Variants in TRA2A observed in about 807,000 individuals in gnomAD.
TRA2A encodes the protein transformer-2 protein homolog alpha.
TRA2A carries 31 observed loss-of-function variants against 45.7 expected under a neutral mutation model. The observed-to-expected ratio is 0.68, with a 90% CI of 0.51 to 0.92. TRA2A has a LOEUF of 0.92. Ranked by LOEUF, TRA2A falls within the 40% of genes least tolerant of loss-of-function variation. The pLI is 0.00. For synonymous variants in TRA2A, 132 were observed against 126.2 expected (o/e 1.05, Z -0.31); for missense variants, 304 against 367.5 (o/e 0.83, Z 1.41).
chr7:23,525,006 A>G (rs1060974), intron 1 of TRA2A, among the ~76,000 whole-genome samples: 64,885 of 152,038 alleles, frequency 0.43, 15,180 homozygotes, highest in African/African-American at 0.63. Context: ...TAACTTTCAA[A>G]AACAACTTAC....
chr7:23,508,362 G>C (rs1162382654), intron 4 of TRA2A, among the ~76,000 whole-genome samples: 2 of 150,018 alleles, frequency 1.3e-5, no homozygotes, highest in Admixed American at 1.3e-4. Context: ...CAAACTTCTT[G>C]GCTTATGCAA....
In TRA2A at chr7:23,516,403, T is replaced by C. The variant is rs1274363397; in HGVS notation, c.296A>G (p.His99Arg). Residue 99 changes from histidine (H) to arginine (R), a missense_variant, in exon 3 of 8, where the codon CAT becomes CGT. His to Arg is a conservative substitution (Grantham distance 29). Around this residue, in one of 3 missense-constraint regions of TRA2A, gnomAD observed 130 missense variants for 217.1 expected, o/e 0.60. Transcript: ENST00000297071. ...TCTTCTCCGGTTAGACATTGGAGAA[T>C]GGCTTCGGCTCCTTCGCCGCCGGTA... ...PEYRRRRSRS[H>R]SPMSNRRRHT... 1.9e-5 allele frequency: 30 copies of C among 1,614,108 alleles called. No individual in the cohort carries two copies. The highest frequency in any genetic ancestry group is 3.3e-5 in the South Asian group (3 of 91,090).
chr7:23,524,113 C>A (rs1790244957), intron 1 of TRA2A, among the ~76,000 whole-genome samples: 1 of 152,086 alleles, frequency 6.6e-6, no homozygotes, highest in Non-Finnish European at 1.5e-5. Flanking sequence ...CTTAAAATTC[C>A]AATTTTAAAT....
At chr7:23,506,055 T>C in intron 6 of TRA2A, 83 bp downstream of exon 6, 1 of 1,237,804 alleles carries the variant, frequency 8.1e-7, no homozygotes, top group Non-Finnish European at 1.1e-6. Flanking sequence ...ATCAAGTTTT[T>C]ATTCATATGT....
chr7:23,531,440 C>T, intron 1 of TRA2A: 1 of 355,392 alleles, frequency 2.8e-6, no homozygotes, highest in Non-Finnish European at 5.0e-6. Context: ...GAGGGGAGCT[C>T]CCTGCCGCCT....
chr7:23,523,504 T>G (rs1310057281), intron 1 of TRA2A, among the ~76,000 whole-genome samples: 2 of 152,228 alleles, frequency 1.3e-5, no homozygotes, highest in African/African-American at 4.8e-5. Flanking sequence ...GCCTTAAGAC[T>G]ATCACACAAC....
chr7:23,529,225 T>C (rs1790464742), intron 1 of TRA2A, among the ~76,000 whole-genome samples: 2 of 152,206 alleles, frequency 1.3e-5, no homozygotes, highest in African/African-American at 2.4e-5. Flanking sequence ...AAGTGCTACC[T>C]TCACTCCCAG....
At chr7:23,523,339 T>G (rs952113021) in intron 1 of TRA2A, among the ~76,000 whole-genome samples, 1 of 152,200 alleles carries the variant, frequency 6.6e-6, no homozygotes, top group Admixed American at 6.5e-5. Flanking sequence ...AATAACTTAC[T>G]GATCATAAGC....
At chr7:23,511,214 A>T (rs973592309) in intron 4 of TRA2A, among the ~76,000 whole-genome samples, 3 of 151,826 alleles carry the variant, frequency 2.0e-5, no homozygotes, top group Non-Finnish European at 4.4e-5. Flanking sequence ...TACTAAAAAT[A>T]CAAAAAATTA....
intron 2 of TRA2A, among the ~76,000 whole-genome samples, chr7:23,518,852 ATT>A (rs1476659441): frequency 6.6e-6 from 1 of 151,468 alleles, no homozygotes; most frequent in East Asian, 1.9e-4. Flanking sequence ...CACCTGGCAA[ATT>A]TTTTGTATTT....
intron 1 of TRA2A, chr7:23,531,293 C>G: frequency 2.3e-5 from 23 of 984,726 alleles, no homozygotes; most frequent in Non-Finnish European, 2.8e-5. Flanking sequence ...GCCAAGGAGA[C>G]ACAGGCCCCA....
At chr7:23,531,582 C>T in intron 1 of TRA2A, 1 of 608,842 alleles carries the variant, frequency 1.6e-6, no homozygotes, top group Non-Finnish European at 2.9e-6. Context: ...ATCAGTCAGC[C>T]TCCAAAAAAG....
chr7:23,515,217 A>AT (rs1235805825), intron 3 of TRA2A, among the ~76,000 whole-genome samples: 2 of 147,232 alleles, frequency 1.4e-5, no homozygotes, highest in Non-Finnish European at 3.0e-5. Context: ...TTCGTGGAAC[A>AT]TATTTCTTTT....
At chr7:23,528,541 G>A (rs1790434965) in intron 1 of TRA2A, among the ~76,000 whole-genome samples, 1 of 152,054 alleles carries the variant, frequency 6.6e-6, no homozygotes, top group Admixed American at 6.5e-5. Context: ...ACAGGCCTGG[G>A]TTTTGATAGT....
At chr7:23,527,864 T>C (rs375662484) in intron 1 of TRA2A, among the ~76,000 whole-genome samples, 10 of 152,224 alleles carry the variant, frequency 6.6e-5, no homozygotes, top group African/African-American at 2.4e-4. Flanking sequence ...CAGATCAACA[T>C]CCTTCAGTGA....
rs5882904 is a variant in TRA2A at position 23,505,585 on chromosome 7, CAAAA to C, written c.839-20_839-17del. The C allele has an allele frequency of 2.0e-3, 498 of 243,946 alleles. No individual in the cohort carries two copies. Among genetic ancestry groups the C allele is most frequent in the South Asian group, 2.5e-3 (24 of 9,778 alleles). 15.1% of individuals were successfully genotyped at this position (243,946 alleles called of 1,614,324 possible). A position where few individuals can be genotyped will look rare whatever the true frequency, so the allele number is the denominator to read the frequency against. On this transcript the variant is annotated splice_polypyrimidine_tract_variant and intron_variant, in intron 7 of 7. Coordinates refer to ENST00000297071, the MANE Select transcript of TRA2A (RefSeq NM_013293.5). ...CAATAGCGTCCTAAAAGAGAAAAAG[CAAAA>C]AAAAAAAAAAAAAAAAAAAGTTAAC...
chr7:23,520,140 C>T (rs534869421), intron 2 of TRA2A, among the ~76,000 whole-genome samples: 6 of 152,276 alleles, frequency 3.9e-5, no homozygotes, highest in East Asian at 1.9e-4. Context: ...TGCTTGAACC[C>T]GGGAGGTGGA....
At chr7:23,508,964 G>C (rs1012692696) in intron 4 of TRA2A, among the ~76,000 whole-genome samples, 13 of 152,014 alleles carry the variant, frequency 8.6e-5, no homozygotes, top group African/African-American at 3.1e-4. Context: ...AGAACTCTGA[G>C]AGTATTATTT....
intron 2 of TRA2A, among the ~76,000 whole-genome samples, 159 bp downstream of exon 2, chr7:23,521,548 G>A (rs1790137582): frequency 6.6e-6 from 1 of 152,212 alleles, no homozygotes; most frequent in Admixed American, 6.5e-5. Context: ...ATACTTCCAA[G>A]TCTTTGTCTG....
Sources: gnomAD v4.1 joint callset for allele counts (sites outside exome capture counted in the v4.1 genomes callset) on GRCh38, gnomAD v4.1.1 for gene constraint, gnomAD v4.1.1 regional missense constraint, MANE v1.5 for transcripts, NCBI Gene and HGNC (gene_info 2026-07-23, HGNC 2026-07-21) for gene names.